The following TLK1 variants were observed in gnomAD, a reference collection of about 807,000 sequenced individuals.
TLK1 encodes serine/threonine-protein kinase tousled-like 1.
Under a neutral mutation model 105.3 loss-of-function variants are expected in TLK1, and 24 were observed. The ratio of observed to expected loss-of-function variants is 0.23; its 90% confidence interval spans 0.17 to 0.32. TLK1 has a LOEUF of 0.32. Ranked by LOEUF, TLK1 falls within the 10% of genes least tolerant of loss-of-function variation. The pLI is 1.00. For missense variants in TLK1, 558 were observed against 910.5 expected, an observed-to-expected ratio of 0.61 and a Z score of 4.98; for synonymous variants, 321 against 310.4, an observed-to-expected ratio of 1.03 and a Z score of -0.36.
At chr2:171,165,002 CA>C (rs1441515861), upstream of TLK1, among the ~76,000 whole-genome samples, 3 of 151,870 alleles carry the variant, frequency 2.0e-5, no homozygotes, top group African/African-American at 7.3e-5. Context: ...ATAGATTACA[CA>C]ATAGGAAAAA....
At chr2:171,034,180 C>A (rs1310606589) in intron 11 of TLK1, among the ~76,000 whole-genome samples, 1 of 151,962 alleles carries the variant, frequency 6.6e-6, no homozygotes, top group Non-Finnish European at 1.5e-5. Context: ...GAATGTAAAA[C>A]GGTGCAGAAT....
At chr2:171,057,353 T>C (rs144349830) in intron 5 of TLK1, among the ~76,000 whole-genome samples, 2 of 152,154 alleles carry the variant, frequency 1.3e-5, no homozygotes, top group African/African-American at 4.8e-5. Context: ...CCTAGGGATT[T>C]TGCCTTATTT....
At position 171,109,618 on chromosome 2, in the gene TLK1, A is replaced by G. The variant is rs185859513; in HGVS notation, c.258+8121T>C. ...GAAATCTGGCAGTTTCTTACCAAGTAAAATATACATCTATCCAGCTAAGTA... is the reference window on the plus strand; with the variant it reads ...GAAATCTGGCAGTTTCTTACCAAGTGAAATATACATCTATCCAGCTAAGTA... On this transcript the variant is annotated intron_variant, in intron 2 of 20. Transcript: ENST00000431350. Among the ~76,000 whole-genome samples the G allele has an allele frequency of 1.6e-4, 24 of 152,312 alleles. 1 individual carries two copies. The East Asian group carries it at 4.6e-3, about 29-fold the overall frequency.
At chr2:171,226,209 T>C (rs892508263) in intron 1 of TLK1, among the ~76,000 whole-genome samples, 1 of 152,214 alleles carries the variant, frequency 6.6e-6, no homozygotes, top group African/African-American at 2.4e-5. Context: ...TACAACCACA[T>C]AATCTAACCT....
chr2:171,188,533 G>A (rs1575651667), intron 1 of TLK1, among the ~76,000 whole-genome samples: 1 of 152,038 alleles, frequency 6.6e-6, no homozygotes, highest in East Asian at 1.9e-4. Context: ...GTGAAACCCT[G>A]TCTCTACTAA....
Position 171,160,889 on chromosome 2 carries a change from T to C in TLK1, c.-461A>G. Reference sequence around the variant, plus strand: ...TGGCGGCTGAGGCGGTGGGGTAACCTCTGCATCAGTTACAGGCGGCGGCGG... The same window carrying C: ...TGGCGGCTGAGGCGGTGGGGTAACCCCTGCATCAGTTACAGGCGGCGGCGG... On this transcript the variant is annotated 5_prime_UTR_variant, in exon 1 of 21. Coordinates refer to ENST00000431350, the MANE Select transcript of TLK1 (RefSeq NM_012290.5). This position sits in a 1 kb window ranked among gnomAD's most constrained non-coding sequence, Gnocchi z 4.4. 3.5e-6 allele frequency: 1 copy of C among 283,810 alleles called. No individual in the cohort carries two copies. The highest frequency in any genetic ancestry group is 6.4e-6 in the Non-Finnish European group (1 of 157,256). 17.6% of individuals were successfully genotyped at this position (283,810 alleles called of 1,614,324 possible). A position where few individuals can be genotyped will look rare whatever the true frequency, so the allele number is the denominator to read the frequency against.
chr2:171,043,693 C>T (rs1686801905), intron 11 of TLK1, among the ~76,000 whole-genome samples: 1 of 152,104 alleles, frequency 6.6e-6, no homozygotes, highest in Admixed American at 6.5e-5. Flanking sequence ...TGGTATCTAG[C>T]AGGACTGGGC....
At chr2:171,143,506 C>CAAAAAAAAAAAA (rs577555732) in intron 1 of TLK1, among the ~76,000 whole-genome samples, 3 of 44,304 alleles carry the variant, frequency 6.8e-5, no homozygotes, top group African/African-American at 1.6e-4. Context: ...ACTCTATCTC[C>CAAAAAAAAAAAA]AAAAAAAAAA....
intron 1 of TLK1, among the ~76,000 whole-genome samples, chr2:171,120,646 G>A (rs1690616182): frequency 6.6e-6 from 1 of 152,170 alleles, no homozygotes; most frequent in South Asian, 2.1e-4. Flanking sequence ...AAATATACAA[G>A]TGCTAGTGAG....
intron 1 of TLK1, among the ~76,000 whole-genome samples, chr2:171,139,004 T>C (rs1448303661): frequency 6.6e-6 from 1 of 152,150 alleles, no homozygotes; most frequent in Non-Finnish European, 1.5e-5. Context: ...ACTCTAAAAG[T>C]CTGTTTCGAA....
intron 4 of TLK1, among the ~76,000 whole-genome samples, chr2:171,060,389 A>C (rs1458061799): frequency 6.6e-6 from 1 of 152,184 alleles, no homozygotes. Flanking sequence ...TTCCTTCCAT[A>C]AAGACAGTTG....
intron 7 of TLK1, chr2:171,054,262 T>C (rs2105436292): frequency 6.5e-6 from 1 of 152,944 alleles, no homozygotes; most frequent in Middle Eastern, 3.4e-3. Context: ...ATTTAACACA[T>C]ATCTTTTTTT....
chr2:171,105,538 T>C (rs1459748536), intron 2 of TLK1, among the ~76,000 whole-genome samples: 4 of 151,894 alleles, frequency 2.6e-5, no homozygotes, highest in African/African-American at 4.8e-5. Context: ...ATACAAAAAT[T>C]AGATGAGTGT....
intron 1 of TLK1, among the ~76,000 whole-genome samples, chr2:171,119,286 T>A (rs1342990800): frequency 6.6e-6 from 1 of 152,208 alleles, no homozygotes; most frequent in Non-Finnish European, 1.5e-5. Context: ...TATTATTCCT[T>A]TATTGAGAGG....
In TLK1 at chr2:170,991,457, TA is replaced by T. The variant is rs1372293333; in HGVS notation, c.*2322del. Reference sequence around the variant, plus strand: ...GGTCACTGGCATGTTATTCAAAATCTATAACATTTCTTTGGGAAACTTTTAG... The same window carrying T: ...GGTCACTGGCATGTTATTCAAAATCTTAACATTTCTTTGGGAAACTTTTAG... On this transcript the variant is annotated 3_prime_UTR_variant, in exon 21 of 21. Coordinates refer to ENST00000431350, the MANE Select transcript of TLK1 (RefSeq NM_012290.5). 6.6e-6 allele frequency: 1 copy of T among 152,248 alleles called. No individual in the cohort carries two copies. The highest frequency in any genetic ancestry group is 1.5e-5 in the Non-Finnish European group (1 of 68,030). The allele number at this position is 152,248 out of a possible 1,614,324, so 9.4% of individuals were successfully genotyped here.
At chr2:171,149,783 G>A (rs1164643432) in intron 1 of TLK1, among the ~76,000 whole-genome samples, 2 of 151,970 alleles carry the variant, frequency 1.3e-5, no homozygotes, top group African/African-American at 4.8e-5. Flanking sequence ...GCGTGCACCT[G>A]TAGTCCCAGC....
At chr2:171,130,500 T>C (rs1255970830) in intron 1 of TLK1, among the ~76,000 whole-genome samples, 1 of 146,840 alleles carries the variant, frequency 6.8e-6, no homozygotes, top group African/African-American at 2.6e-5. Flanking sequence ...AGATAATACA[T>C]GTAAGGTTTT....
intron 2 of TLK1, among the ~76,000 whole-genome samples, chr2:171,098,258 C>T (rs548193476): frequency 2.0e-4 from 30 of 151,740 alleles, no homozygotes; most frequent in African/African-American, 5.6e-4. Flanking sequence ...AAATGTTTTC[C>T]GCACAAAAAA....
chr2:171,218,355 T>C (rs1488452127), intron 1 of TLK1, among the ~76,000 whole-genome samples: 1 of 152,118 alleles, frequency 6.6e-6, no homozygotes, highest in Non-Finnish European at 1.5e-5. Context: ...TGGTTGCCCA[T>C]AGGCTAGAGA....
Sources: gnomAD v4.1 joint callset for allele counts (sites outside exome capture counted in the v4.1 genomes callset) on GRCh38, gnomAD v4.1.1 for gene constraint, Gnocchi (gnomAD v3.1) non-coding constraint, MANE v1.5 for transcripts, NCBI Gene and HGNC (gene_info 2026-07-23, HGNC 2026-07-21) for gene names.